The following PAPPA2 variants were observed in gnomAD, a reference collection of about 807,000 sequenced individuals.
PAPPA2 encodes pappalysin-2.
Under a neutral mutation model 176.4 loss-of-function variants are expected in PAPPA2, and 86 were observed. The ratio of observed to expected loss-of-function variants is 0.49; its 90% confidence interval spans 0.41 to 0.58. PAPPA2 has a LOEUF of 0.58. Among genes scored for constraint, PAPPA2 ranks in the 20% least tolerant of loss-of-function variants. PAPPA2 has a pLI of 0.00. For missense variants in PAPPA2, 2,073 were observed against 2,256.9 expected (o/e 0.92, Z 1.65); for synonymous variants, 809 against 852.2 (o/e 0.95, Z 0.88).
intron 22 of PAPPA2, among the ~76,000 whole-genome samples, chr1:176,840,833 C>T (rs990251129): frequency 6.6e-6 from 1 of 152,088 alleles, no homozygotes; most frequent in African/African-American, 2.4e-5. Context: ...ATAGAATAAG[C>T]TGAAACTTTG....
intron 3 of PAPPA2, among the ~76,000 whole-genome samples, chr1:176,623,651 C>CTTTCTTTCTTTCTTTCTTTCTT (rs1655765884): frequency 7.7e-6 from 1 of 130,266 alleles, no homozygotes; most frequent in African/African-American, 3.1e-5. Flanking sequence ...TTCTTTCTTT[C>CTTTCTTTCTTTCTTTCTTTCTT]TTTCTTTCTT....
At chr1:176,793,751 A>G in intron 20 of PAPPA2, 82 bp downstream of exon 20, 1 of 1,093,284 alleles carries the variant, frequency 9.1e-7, no homozygotes, top group Non-Finnish European at 1.3e-6. Flanking sequence ...GAGTAATTTC[A>G]GAGGCTTTCA....
chr1:176,840,798 A>G (rs754169886), intron 22 of PAPPA2, among the ~76,000 whole-genome samples: 4 of 152,230 alleles, frequency 2.6e-5, no homozygotes, highest in Non-Finnish European at 4.4e-5. Flanking sequence ...AAATTAGCAG[A>G]TAGGCTCAAG....
rs147136264 is a variant in PAPPA2 at position 176,495,946 on chromosome 1, G to C, written c.-917+32528G>C. Among the ~76,000 whole-genome samples, 104 of 152,198 alleles carry C rather than the reference G, an allele frequency of 6.8e-4. No homozygotes were observed. The East Asian group carries it at 0.018, about 27-fold the overall frequency. Reference sequence around the variant, plus strand: ...TTATGCCTGGCTCTGCAGTGAATTTGTAGGACAAATTTTACATGTATCACA... The same window carrying C: ...TTATGCCTGGCTCTGCAGTGAATTTCTAGGACAAATTTTACATGTATCACA... On this transcript the variant is annotated intron_variant, in intron 1 of 22. Coordinates refer to ENST00000367662, the MANE Select transcript of PAPPA2 (RefSeq NM_020318.3).
At chr1:176,678,302 C>G (rs537218551) in intron 4 of PAPPA2, among the ~76,000 whole-genome samples, 27 of 152,156 alleles carry the variant, frequency 1.8e-4, no homozygotes, top group African/African-American at 6.5e-4. Context: ...GTAATTGGGG[C>G]ATATAATTTT....
At chr1:176,719,760 T>G (rs1661537681) in intron 12 of PAPPA2, among the ~76,000 whole-genome samples, 1 of 152,194 alleles carries the variant, frequency 6.6e-6, no homozygotes, top group South Asian at 2.1e-4. Context: ...CTTCCCAGTA[T>G]TATCATTTTT....
chr1:176,633,942 A>T (rs1201260548), intron 3 of PAPPA2, among the ~76,000 whole-genome samples: 1 of 152,222 alleles, frequency 6.6e-6, no homozygotes, highest in Non-Finnish European at 1.5e-5. Flanking sequence ...GTCAGGAAAC[A>T]ACAGGTGCTG....
intron 3 of PAPPA2, among the ~76,000 whole-genome samples, chr1:176,598,165 A>G (rs1321214138): frequency 1.3e-5 from 2 of 152,226 alleles, no homozygotes; most frequent in Non-Finnish European, 2.9e-5. Context: ...AATTATACCA[A>G]AAGACAGAAG....
At chr1:176,645,805 C>T (rs1411166095) in intron 3 of PAPPA2, among the ~76,000 whole-genome samples, 6 of 151,706 alleles carry the variant, frequency 4.0e-5, no homozygotes, top group Middle Eastern at 3.4e-3. Flanking sequence ...GATATTATCT[C>T]ATGTGGTTTT....
In PAPPA2 at chr1:176,787,462, C is replaced by T. The variant is rs116241469; in HGVS notation, c.4716-2347C>T. Among the ~76,000 whole-genome samples, 444 of 152,166 alleles carry T rather than the reference C, an allele frequency of 2.9e-3. 2 individuals carry two copies. The highest frequency in any genetic ancestry group is 9.2e-3 in the African/African-American group (381 of 41,548). On this transcript the variant is annotated intron_variant, in intron 17 of 22. Coordinates refer to ENST00000367662, the MANE Select transcript of PAPPA2 (RefSeq NM_020318.3). ...TGTTGCCCAGGCTAGTCTCAAACTC[C>T]TGACCTCAAGAGACCTGTCTGCCTC...
chr1:176,785,558 T>C (rs532981721), intron 17 of PAPPA2, among the ~76,000 whole-genome samples: 5 of 152,262 alleles, frequency 3.3e-5, no homozygotes, highest in Admixed American at 1.3e-4. Flanking sequence ...TCCTAGGGAA[T>C]TGGGACTCTC....
chr1:176,756,243 C>G (rs1663413786), intron 14 of PAPPA2, among the ~76,000 whole-genome samples: 4 of 152,186 alleles, frequency 2.6e-5, no homozygotes, highest in Non-Finnish European at 5.9e-5. Flanking sequence ...GCGTGAGCCA[C>G]TATGCCTGGC....
At position 176,556,321 on chromosome 1, in the gene PAPPA2, G is replaced by T; in HGVS notation, c.-2G>T. On this transcript the variant is annotated 5_prime_UTR_variant, in exon 2 of 23. Transcript: ENST00000367662. ...GGTTCTGTAGAAAGAGCTAGGGGAG[G>T]TATGATGTGCTTAAAGATCCTAAGA... The T allele has an allele frequency of 6.2e-7, 1 of 1,612,976 alleles. No individual in the cohort carries two copies. The highest frequency in any genetic ancestry group is 8.5e-7 in the Non-Finnish European group (1 of 1,179,388).
chr1:176,624,811 C>T (rs192574030), intron 3 of PAPPA2, among the ~76,000 whole-genome samples: 25 of 152,252 alleles, frequency 1.6e-4, no homozygotes. Flanking sequence ...TCTACTGGGA[C>T]TATTCAGGAG....
At chr1:176,517,570 C>T (rs917094088) in intron 1 of PAPPA2, among the ~76,000 whole-genome samples, 2 of 152,106 alleles carry the variant, frequency 1.3e-5, no homozygotes, top group Non-Finnish European at 2.9e-5. Flanking sequence ...TGAGTCATCC[C>T]AGGCTGTGAA....
At chr1:176,628,469 A>G (rs1656156807) in intron 3 of PAPPA2, among the ~76,000 whole-genome samples, 1 of 152,156 alleles carries the variant, frequency 6.6e-6, no homozygotes, top group Non-Finnish European at 1.5e-5. Flanking sequence ...CTTGATTTCC[A>G]CTCTAAAGGA....
chr1:176,788,435 G>C (rs560769568), intron 17 of PAPPA2, among the ~76,000 whole-genome samples: 3 of 152,326 alleles, frequency 2.0e-5, no homozygotes, highest in Admixed American at 6.5e-5. Flanking sequence ...ACCTTAAAAG[G>C]GGTGTAATGA....
intron 21 of PAPPA2, among the ~76,000 whole-genome samples, chr1:176,804,337 T>C (rs191835011): frequency 3.9e-5 from 6 of 152,020 alleles, no homozygotes; most frequent in Non-Finnish European, 5.9e-5. Context: ...CTTCTCACAT[T>C]AGGGGAAATG....
chr1:176,699,036 G>C, intron 7 of PAPPA2, 64 bp from the exon 8 acceptor site: 1 of 1,525,548 alleles, frequency 6.6e-7, no homozygotes, highest in Non-Finnish European at 8.8e-7. Context: ...GGCTGCTAAG[G>C]GCTACTCATT....
Sources: gnomAD v4.1 joint callset for allele counts (sites outside exome capture counted in the v4.1 genomes callset) on GRCh38, gnomAD v4.1.1 for gene constraint, MANE v1.5 for transcripts, NCBI Gene and HGNC (gene_info 2026-07-23, HGNC 2026-07-21) for gene names.